NCKAP1: variants seen among roughly 807,000 people sequenced by gnomAD.
NCKAP1 encodes nck-associated protein 1.
A neutral mutation model predicts 151.2 loss-of-function variants in NCKAP1; 21 were observed. That is an observed-to-expected ratio of 0.14 (90% CI 0.10 to 0.20). NCKAP1 has a LOEUF of 0.20. NCKAP1 is among the 10% of genes least tolerant of loss of function. The pLI, the probability that NCKAP1 is intolerant of heterozygous loss-of-function variation, is 1.00. For missense variants in NCKAP1, 933 were observed against 1,352.1 expected (o/e 0.69, Z 4.86); for synonymous variants, 484 against 451.8 (o/e 1.07, Z -0.90).
At chr2:182,975,468 G>C (rs1697787079) in intron 15 of NCKAP1, among the ~76,000 whole-genome samples, 1 of 152,120 alleles carries the variant, frequency 6.6e-6, no homozygotes, top group Non-Finnish European at 1.5e-5. Context: ...GCACCTCAGA[G>C]TACTAAGCAG....
intron 26 of NCKAP1, 133 bp downstream of exon 26, chr2:182,934,618 AG>A (rs1413729754): frequency 5.5e-5 from 31 of 561,824 alleles, no homozygotes; most frequent in Non-Finnish European, 8.8e-5. Flanking sequence ...TCAATTACAA[AG>A]GCAAGCATGC....
intron 1 of NCKAP1, among the ~76,000 whole-genome samples, chr2:183,029,932 A>G (rs1182903018): frequency 6.6e-6 from 1 of 152,146 alleles, no homozygotes; most frequent in Non-Finnish European, 1.5e-5. Flanking sequence ...TGTGTGCAAA[A>G]CACCTATGCT....
At chr2:183,032,773 G>A (rs781081394) in intron 1 of NCKAP1, among the ~76,000 whole-genome samples, 3 of 152,160 alleles carry the variant, frequency 2.0e-5, no homozygotes, top group Non-Finnish European at 4.4e-5. Flanking sequence ...TCAGCCAGGT[G>A]CGGTAGCTTA....
chr2:183,016,820 T>C (rs957884644), intron 2 of NCKAP1, among the ~76,000 whole-genome samples: 2 of 152,004 alleles, frequency 1.3e-5, no homozygotes, highest in African/African-American at 4.8e-5. Flanking sequence ...AGGGCGAAAG[T>C]AGGAGAGATT....
At chr2:182,926,003 G>A (rs2105795365) in intron 30 of NCKAP1, among the ~76,000 whole-genome samples, 185 bp from the exon 31 acceptor site, 1 of 152,098 alleles carries the variant, frequency 6.6e-6, no homozygotes, top group South Asian at 2.1e-4. Context: ...ATGTGCCACA[G>A]TGAATGTATA....
At chr2:182,952,566 T>G in intron 22 of NCKAP1, 64 bp from the exon 23 acceptor site, 1 of 1,261,236 alleles carries the variant, frequency 7.9e-7, no homozygotes, top group Non-Finnish European at 1.1e-6. Context: ...AAATGAACAT[T>G]AACACAATAC....
In NCKAP1 at chr2:182,925,215, A is replaced by C. The variant is rs575378514; in HGVS notation, c.*487T>G. ...AGTGTTACAGTATTTAGTTTGGCAA[A>C]TGTTTCAAAATAAAGTAGAAATGTA... On this transcript the variant is annotated 3_prime_UTR_variant, in exon 31 of 31. Transcript: ENST00000361354. 1.3e-5 allele frequency: 2 copies of C among 152,288 alleles called. No homozygotes were observed. The highest frequency in any genetic ancestry group is 2.4e-5 in the African/African-American group (1 of 41,580). The allele number at this position is 152,288 out of a possible 1,614,324, so 9.4% of individuals were successfully genotyped here. A position where few individuals can be genotyped will look rare whatever the true frequency, so the allele number is the denominator to read the frequency against.
At chr2:182,925,923 C>CA in intron 30 of NCKAP1, 105 bp from the exon 31 acceptor site, 1 of 540,978 alleles carries the variant, frequency 1.8e-6, no homozygotes, top group South Asian at 3.1e-5. Flanking sequence ...ACCAGTAAGG[C>CA]ATAACTTCTA....
chr2:182,930,826 C>A, intron 26 of NCKAP1, 38 bp from the exon 27 acceptor site: 11 of 1,547,468 alleles, frequency 7.1e-6, no homozygotes, highest in Non-Finnish European at 9.8e-6. Context: ...AATAAATAGT[C>A]TAACAAATTT....
In NCKAP1 at chr2:182,957,435, T is replaced by C. The variant is rs541760685; in HGVS notation, c.2021+22A>G. 143 of 1,598,088 alleles carry C rather than the reference T, an allele frequency of 8.9e-5. 1 individual carries two copies. The South Asian group carries it at 1.5e-3, about 17-fold the overall frequency. ...AAATATTTTACCTGGAGCAAAAAGG[T>C]ATAATATAAGTGGATACTTACTTGG... On this transcript the variant is annotated intron_variant, in intron 19 of 30. Coordinates refer to ENST00000361354, the MANE Select transcript of NCKAP1 (RefSeq NM_013436.5).
In NCKAP1 at chr2:182,956,444, G is replaced by T; in HGVS notation, c.2153+18C>A. 6.2e-7 allele frequency: 1 copy of T among 1,604,486 alleles called. No homozygotes were observed. The highest frequency in any genetic ancestry group is 8.5e-7 in the Non-Finnish European group (1 of 1,175,422). On this transcript the variant is annotated intron_variant, in intron 20 of 30. Transcript: ENST00000361354. ...ATTACTGAGTCAACAAACAAAAACA[G>T]TCAATATTCTTTCTTACTTGGTAAA...
At chr2:182,951,948 C>T (rs1028082795) in intron 23 of NCKAP1, among the ~76,000 whole-genome samples, 1 of 152,086 alleles carries the variant, frequency 6.6e-6, no homozygotes, top group Admixed American at 6.5e-5. Flanking sequence ...AGGCATTTTT[C>T]ATTCAACTTA....
intron 24 of NCKAP1, among the ~76,000 whole-genome samples, chr2:182,941,162 T>TA (rs1696987385): frequency 6.6e-6 from 1 of 152,034 alleles, no homozygotes. Flanking sequence ...AGAAGGCTTT[T>TA]AAATTAACCA....
In NCKAP1 at chr2:183,003,013, C is replaced by T. The variant is rs1352280184; in HGVS notation, c.330G>A (p.Leu110=). ...VMEFKDHVCE[L]LNTIDVCQVF... ...CTTGGCAAACGTCAATAGTATTCAG[C>T]AATTCACAAACATGGTCCTGAAAAG... Residue 110 remains leucine (L), a synonymous_variant, in exon 4 of 31, where the codon TTG becomes TTA. Transcript: ENST00000361354. 2 of 1,608,412 alleles carry T rather than the reference C, an allele frequency of 1.2e-6. No homozygotes were observed. Among genetic ancestry groups the T allele is most frequent in the South Asian group, 2.2e-5 (2 of 90,358 alleles).
intron 2 of NCKAP1, among the ~76,000 whole-genome samples, chr2:183,011,479 GCT>G (rs1289185487): frequency 3.9e-5 from 6 of 152,104 alleles, no homozygotes; most frequent in Non-Finnish European, 5.9e-5. Flanking sequence ...CTACTGATTT[GCT>G]CTCTTTATCA....
At chr2:183,003,385 C>T in intron 2 of NCKAP1, 60 bp from the exon 3 acceptor site, 3 of 969,706 alleles carry the variant, frequency 3.1e-6, no homozygotes, top group Non-Finnish European at 4.8e-6. Flanking sequence ...AATTTTACTA[C>T]AAACTATCTT....
chr2:183,003,943 T>C (rs936637245), intron 2 of NCKAP1, among the ~76,000 whole-genome samples: 1 of 152,162 alleles, frequency 6.6e-6, no homozygotes, highest in African/African-American at 2.4e-5. Flanking sequence ...AAATAGTATT[T>C]TAATCAACTG....
chr2:182,989,249 G>T, intron 8 of NCKAP1, 63 bp from the exon 9 acceptor site: 1 of 1,382,966 alleles, frequency 7.2e-7, no homozygotes, highest in Non-Finnish European at 9.9e-7. Flanking sequence ...TTTGGTGACA[G>T]TGTAGCTTTT....
chr2:182,940,970 C>T (rs1346909272), intron 24 of NCKAP1, among the ~76,000 whole-genome samples: 1 of 151,980 alleles, frequency 6.6e-6, no homozygotes, highest in Non-Finnish European at 1.5e-5. Flanking sequence ...ATAAAATAGC[C>T]TAATAAAGTG....
Sources: gnomAD v4.1 joint callset for allele counts (sites outside exome capture counted in the v4.1 genomes callset) on GRCh38, gnomAD v4.1.1 for gene constraint, MANE v1.5 for transcripts, NCBI Gene and HGNC (gene_info 2026-07-23, HGNC 2026-07-21) for gene names.